The following DIAPH3 variants were observed in gnomAD, a reference collection of about 807,000 sequenced individuals.
The protein encoded by DIAPH3 is protein diaphanous homolog 3.
A neutral mutation model predicts 144.3 loss-of-function variants in DIAPH3; 117 were observed. That is an observed-to-expected ratio of 0.81 (90% CI 0.70 to 0.95). DIAPH3 has a LOEUF of 0.95. DIAPH3 is among the 40% of genes least tolerant of loss of function. DIAPH3 has a pLI of 0.00. For missense variants in DIAPH3, 1,421 were observed against 1,412.7 expected, an observed-to-expected ratio of 1.01 and a Z score of -0.09; for synonymous variants, 519 against 488.9, an observed-to-expected ratio of 1.06 and a Z score of -0.81.
intron 25 of DIAPH3, among the ~76,000 whole-genome samples, chr13:59,792,953 C>T (rs1010458483): frequency 6.6e-6 from 1 of 152,180 alleles, no homozygotes; most frequent in African/African-American, 2.4e-5. Context: ...TAATGCTATT[C>T]AGCACTCCTC....
intron 27 of DIAPH3, among the ~76,000 whole-genome samples, chr13:59,763,334 G>C (rs1008266952): frequency 2.0e-5 from 3 of 151,354 alleles, no homozygotes; most frequent in Non-Finnish European, 4.4e-5. Flanking sequence ...ATATATGTGT[G>C]TACACACACA....
At chr13:59,975,490 T>G (rs1266142194) in intron 14 of DIAPH3, among the ~76,000 whole-genome samples, 1 of 151,992 alleles carries the variant, frequency 6.6e-6, no homozygotes, top group Non-Finnish European at 1.5e-5. Context: ...CTCCCTGCAA[T>G]TAACGTTTAG....
intron 20 of DIAPH3, among the ~76,000 whole-genome samples, chr13:59,898,570 G>A (rs188461693): frequency 6.6e-6 from 1 of 152,282 alleles, no homozygotes; most frequent in East Asian, 1.9e-4. Flanking sequence ...TAAAGCATCT[G>A]AGAGAAATTT....
chr13:60,110,936 A>G (rs2058550196), intron 3 of DIAPH3, among the ~76,000 whole-genome samples: 2 of 152,230 alleles, frequency 1.3e-5, no homozygotes, highest in Admixed American at 6.5e-5. Flanking sequence ...CTTTCTAGGT[A>G]GTTGTACTTT....
chr13:59,681,401 T>G (rs764606052), intron 27 of DIAPH3, among the ~76,000 whole-genome samples: 39 of 152,100 alleles, frequency 2.6e-4, no homozygotes, highest in Non-Finnish European at 4.9e-4. Flanking sequence ...CACTCAAGCC[T>G]GGGAGGTTGA....
At chr13:59,782,115 G>A (rs1240555700) in intron 25 of DIAPH3, among the ~76,000 whole-genome samples, 1 of 151,446 alleles carries the variant, frequency 6.6e-6, no homozygotes, top group Non-Finnish European at 1.5e-5. Context: ...CAGAAACAAG[G>A]AATACTGAAA....
chr13:60,046,813 G>A (rs1365065217), intron 4 of DIAPH3, among the ~76,000 whole-genome samples: 1 of 152,160 alleles, frequency 6.6e-6, no homozygotes, highest in Non-Finnish European at 1.5e-5. Context: ...ATGAGTTCAT[G>A]TCCTTTGCAG....
intron 5 of DIAPH3, among the ~76,000 whole-genome samples, chr13:60,021,435 G>C (rs2054011838): frequency 6.6e-6 from 1 of 152,146 alleles, no homozygotes; most frequent in Admixed American, 6.5e-5. Context: ...GATCAGCCTG[G>C]CCAACACGGA....
intron 27 of DIAPH3, among the ~76,000 whole-genome samples, chr13:59,740,244 C>T (rs2036382493): frequency 6.6e-6 from 1 of 152,194 alleles, no homozygotes; most frequent in African/African-American, 2.4e-5. Context: ...TTAAGCACCG[C>T]ATTTAAGAAA....
At chr13:60,056,224 G>A (rs1320731279) in intron 4 of DIAPH3, among the ~76,000 whole-genome samples, 1 of 149,266 alleles carries the variant, frequency 6.7e-6, no homozygotes, top group African/African-American at 2.4e-5. Flanking sequence ...TATTTTATAT[G>A]TTATATATAA....
chr13:60,014,861 A>C (rs1299737066), intron 7 of DIAPH3, among the ~76,000 whole-genome samples: 8 of 152,246 alleles, frequency 5.3e-5, no homozygotes, highest in Admixed American at 3.3e-4. Flanking sequence ...GCATAGGATA[A>C]TGCTAATTTC....
intron 27 of DIAPH3, among the ~76,000 whole-genome samples, chr13:59,725,230 A>C (rs2035551041): frequency 6.6e-6 from 1 of 152,190 alleles, no homozygotes. Flanking sequence ...TTTCATAGGC[A>C]AAGAAAAGCT....
chr13:59,984,016 C>A, intron 12 of DIAPH3, 129 bp from the exon 13 acceptor site: 1 of 665,166 alleles, frequency 1.5e-6, no homozygotes, highest in South Asian at 1.8e-5. Context: ...ATAGTTGACA[C>A]AACAGATTTT....
At chr13:59,876,794 T>A (rs2044657234) in intron 21 of DIAPH3, among the ~76,000 whole-genome samples, 1 of 152,196 alleles carries the variant, frequency 6.6e-6, no homozygotes, top group Non-Finnish European at 1.5e-5. Context: ...ACAGACACTT[T>A]TGCACGAGGA....
intron 27 of DIAPH3, among the ~76,000 whole-genome samples, chr13:59,709,374 C>A (rs1296891867): frequency 1.3e-5 from 2 of 152,040 alleles, no homozygotes; most frequent in Non-Finnish European, 2.9e-5. Context: ...CCAGAATCTA[C>A]AATGAACTCA....
chr13:59,866,443 T>C (rs745810954), intron 21 of DIAPH3, among the ~76,000 whole-genome samples: 1 of 151,926 alleles, frequency 6.6e-6, no homozygotes, highest in Admixed American at 6.6e-5. Context: ...TCTCAAAAAA[T>C]GGCAGTAAAA....
chr13:59,708,554 TC>T (rs771009675), intron 27 of DIAPH3, among the ~76,000 whole-genome samples: 4 of 152,204 alleles, frequency 2.6e-5, no homozygotes, highest in Admixed American at 2.6e-4. Context: ...AATTCTTTCT[TC>T]CTTTGGCTTC....
chr13:59,709,348 G>A (rs919086568), intron 27 of DIAPH3, among the ~76,000 whole-genome samples: 6 of 152,144 alleles, frequency 3.9e-5, no homozygotes, highest in Admixed American at 2.6e-4. Flanking sequence ...CTACTCATCT[G>A]ACAAAGGGCT....
At chr13:60,062,379 A>C (rs2056807662) in intron 4 of DIAPH3, among the ~76,000 whole-genome samples, 1 of 152,166 alleles carries the variant, frequency 6.6e-6, no homozygotes, top group African/African-American at 2.4e-5. Context: ...ATTCCTGTTG[A>C]GCTCTGGAAA....
Sources: allele counts gnomAD v4.1 joint callset (sites outside exome capture counted in the v4.1 genomes callset), GRCh38; gene constraint gnomAD v4.1.1; transcripts MANE v1.5; gene names NCBI Gene and HGNC (gene_info 2026-07-23, HGNC 2026-07-21).